The following KIF6 variants were observed in gnomAD, a reference collection of about 807,000 sequenced individuals.
KIF6 encodes kinesin-like protein KIF6.
A neutral mutation model predicts 112.7 loss-of-function variants in KIF6; 106 were observed. That is an observed-to-expected ratio of 0.94 (90% CI 0.80 to 1.11). The LOEUF (loss-of-function observed/expected upper bound fraction) is 1.11, where lower values mean the gene tolerates loss of function less well. Among genes scored for constraint, KIF6 ranks in the 50% least tolerant of loss-of-function variants. KIF6 has a pLI of 0.00. For synonymous variants in KIF6, 339 were observed against 339.9 expected, an observed-to-expected ratio of 1.00 and a Z score of 0.03; for missense variants, 929 against 964.0, an observed-to-expected ratio of 0.96 and a Z score of 0.48.
At chr6:39,419,807 G>T (rs564688889) in intron 15 of KIF6, 141 bp downstream of exon 15, 3 of 777,970 alleles carry the variant, frequency 3.9e-6, no homozygotes, top group African/African-American at 3.4e-5. Context: ...CCTAGGGAAG[G>T]CTCTCAAAGC....
At chr6:39,337,078 TCTTTC>T (rs1762968991) in intron 22 of KIF6, among the ~76,000 whole-genome samples, 1 of 145,272 alleles carries the variant, frequency 6.9e-6, no homozygotes, top group Non-Finnish European at 1.5e-5. Context: ...CTCTTTCCTT[TCTTTC>T]CTTCTTTCCT....
intron 15 of KIF6, among the ~76,000 whole-genome samples, chr6:39,404,376 T>C: frequency 6.6e-6 from 1 of 152,088 alleles, no homozygotes; most frequent in East Asian, 1.9e-4. Flanking sequence ...GATTCTTCTT[T>C]TTTCCTTCAG....
At chr6:39,628,935 A>T (rs1424433477) in intron 5 of KIF6, among the ~76,000 whole-genome samples, 2 of 152,158 alleles carry the variant, frequency 1.3e-5, no homozygotes, top group Non-Finnish European at 2.9e-5. Context: ...TACAGTATGT[A>T]GACTTTCATG....
intron 3 of KIF6, among the ~76,000 whole-genome samples, chr6:39,711,158 A>G (rs1386423695): frequency 6.6e-6 from 1 of 150,762 alleles, no homozygotes; most frequent in Non-Finnish European, 1.5e-5. Context: ...CTGAGTTTTC[A>G]GATTGAAATA....
chr6:39,427,152 C>T (rs986653669), intron 14 of KIF6, among the ~76,000 whole-genome samples: 1 of 152,130 alleles, frequency 6.6e-6, no homozygotes, highest in African/African-American at 2.4e-5. Context: ...TGAATTTCAC[C>T]CTAAGTCAAC....
intron 13 of KIF6, among the ~76,000 whole-genome samples, chr6:39,501,383 C>T (rs1776128501): frequency 6.6e-6 from 1 of 152,184 alleles, no homozygotes; most frequent in African/African-American, 2.4e-5. Context: ...AGAATCAACA[C>T]AAAAATGCTA....
chr6:39,653,463 AGT>A (rs1785590106), intron 3 of KIF6, among the ~76,000 whole-genome samples: 1 of 152,216 alleles, frequency 6.6e-6, no homozygotes, highest in South Asian at 2.1e-4. Flanking sequence ...GAAAGGAGAA[AGT>A]ACCAGAGACT....
intron 10 of KIF6, among the ~76,000 whole-genome samples, chr6:39,552,996 T>G (rs935051586): frequency 6.6e-6 from 1 of 152,146 alleles, no homozygotes; most frequent in Non-Finnish European, 1.5e-5. Flanking sequence ...ATACAAAAAT[T>G]TTTCAGGGTC....
At chr6:39,478,268 C>T (rs1453162472) in intron 13 of KIF6, among the ~76,000 whole-genome samples, 1 of 152,182 alleles carries the variant, frequency 6.6e-6, no homozygotes, top group Non-Finnish European at 1.5e-5. Context: ...TAGCTTAGCT[C>T]CCACTTATGA....
At chr6:39,522,473 T>TC (rs1339819675) in intron 13 of KIF6, among the ~76,000 whole-genome samples, 1 of 152,194 alleles carries the variant, frequency 6.6e-6, no homozygotes, top group Non-Finnish European at 1.5e-5. Flanking sequence ...ATTTAACAAC[T>TC]CTAGCCTCAA....
At chr6:39,364,943 G>T (rs1290361888) in intron 16 of KIF6, among the ~76,000 whole-genome samples, 1 of 152,190 alleles carries the variant, frequency 6.6e-6, no homozygotes, top group Non-Finnish European at 1.5e-5. Flanking sequence ...TATTAAGCTT[G>T]TGGTCAGTTT....
At chr6:39,687,849 G>T (rs974470740) in intron 3 of KIF6, among the ~76,000 whole-genome samples, 2 of 152,160 alleles carry the variant, frequency 1.3e-5, no homozygotes, top group African/African-American at 4.8e-5. Flanking sequence ...TACTTTTCTA[G>T]TTGAGAGGAT....
chr6:39,668,453 C>A (rs1055395545), intron 3 of KIF6, among the ~76,000 whole-genome samples: 1 of 152,130 alleles, frequency 6.6e-6, no homozygotes, highest in Non-Finnish European at 1.5e-5. Flanking sequence ...GTCCTAGAAT[C>A]CAAAGAGCCC....
chr6:39,690,677 G>C (rs563132367), intron 3 of KIF6: 1 of 152,484 alleles, frequency 6.6e-6, no homozygotes, highest in Non-Finnish European at 1.5e-5. Flanking sequence ...CAGGACAAGA[G>C]TAAAGGAGGA....
In KIF6 at chr6:39,545,687, G is replaced by A; in HGVS notation, c.1183C>T (p.Leu395=). The part of the protein sequence containing the change: ...EALTEAELLQ[L]EKLITSFLED... ...AAAAAGGATGTTATTAGTTTTTCCA[G>A]CCTAAAAATACATAATGTATGAGAA... Residue 395 remains leucine (L), a splice_region_variant and synonymous_variant, in exon 11 of 23, where the codon CTG becomes TTG. Transcript: ENST00000287152. 6.3e-7 allele frequency: 1 copy of A among 1,599,136 alleles called. No homozygotes were observed. The highest frequency in any genetic ancestry group is 1.7e-5 in the Admixed American group (1 of 59,902).
chr6:39,549,224 G>A (rs1318523728), intron 10 of KIF6, among the ~76,000 whole-genome samples: 1 of 147,346 alleles, frequency 6.8e-6, no homozygotes. Context: ...TATATTCCTT[G>A]TACAAAAAAA....
chr6:39,401,621 G>A (rs1019085857), intron 15 of KIF6, among the ~76,000 whole-genome samples: 14 of 152,074 alleles, frequency 9.2e-5, no homozygotes, highest in African/African-American at 2.2e-4. Context: ...GAGTCCTCCC[G>A]GGGCAGGGGA....
intron 10 of KIF6, 42 bp from the exon 11 acceptor site, chr6:39,545,730 G>A (rs780221829): frequency 1.5e-6 from 2 of 1,300,636 alleles, no homozygotes; most frequent in Admixed American, 1.7e-5. Context: ...TGAGCTAGAA[G>A]CTTTAAAAAT....
chr6:39,533,193 C>T (rs140667766), intron 13 of KIF6, among the ~76,000 whole-genome samples: 247 of 152,296 alleles, frequency 1.6e-3, no homozygotes, highest in African/African-American at 5.3e-3. Flanking sequence ...GTGCGTGAGC[C>T]GAAGCAGGGC....
Sources: allele counts gnomAD v4.1 joint callset (sites outside exome capture counted in the v4.1 genomes callset), GRCh38; gene constraint gnomAD v4.1.1; transcripts MANE v1.5; gene names NCBI Gene and HGNC (gene_info 2026-07-23, HGNC 2026-07-21).